SEMA3E: variants seen among roughly 807,000 people sequenced by gnomAD.
SEMA3E encodes semaphorin-3E.
SEMA3E carries 49 observed loss-of-function variants against 93.6 expected under a neutral mutation model. The ratio of observed to expected loss-of-function variants is 0.52; its 90% CI spans 0.42 to 0.66. SEMA3E has a LOEUF of 0.66. Among genes scored for constraint, SEMA3E ranks in the 30% least tolerant of loss-of-function variants. SEMA3E has a pLI of 0.00. For synonymous variants in SEMA3E, 363 were observed against 330.7 expected, an observed-to-expected ratio of 1.10 and a Z score of -1.06; for missense variants, 906 against 964.8, an observed-to-expected ratio of 0.94 and a Z score of 0.81.
At chr7:83,444,070 T>C (rs1216714020) in intron 4 of SEMA3E, among the ~76,000 whole-genome samples, 2 of 152,136 alleles carry the variant, frequency 1.3e-5, no homozygotes, top group African/African-American at 4.8e-5. Flanking sequence ...TTAAGTACAA[T>C]TAAAATCCAA....
chr7:83,367,909 T>G lies in SEMA3E; in HGVS notation c.2005A>C (p.Thr669Pro). ...HSFVHTVRKI[T>P]LEVVEEEKVE... ...TTCTCCTCTTCCACTACCTCCAAGG[T>G]GATTTTACGGACCGTATGGACAAAG... is the stretch of plus-strand genomic sequence containing the variant. Residue 669 changes from threonine (T) to proline (P), a missense_variant, in exon 17 of 17, where the codon ACC (threonine) becomes CCC (proline). Transcript: ENST00000643230. 6.2e-7 allele frequency: 1 copy of G among 1,610,802 alleles called. No homozygotes were observed. Among genetic ancestry groups the G allele is most frequent in the Non-Finnish European group, 8.5e-7 (1 of 1,177,966 alleles).
intron 1 of SEMA3E, among the ~76,000 whole-genome samples, chr7:83,590,474 G>C (rs1792735922): frequency 6.6e-6 from 1 of 152,120 alleles, no homozygotes; most frequent in South Asian, 2.1e-4. Context: ...TTTTGTCTGA[G>C]TGTTCACGCT....
intron 16 of SEMA3E, among the ~76,000 whole-genome samples, chr7:83,378,422 A>T (rs1485053439): frequency 7.2e-5 from 11 of 151,836 alleles, no homozygotes; most frequent in African/African-American, 2.7e-4. Flanking sequence ...AACATGACCA[A>T]GTCACCTTTT....
At chr7:83,638,166 T>C (rs1461202019) in intron 1 of SEMA3E, among the ~76,000 whole-genome samples, 1 of 152,206 alleles carries the variant, frequency 6.6e-6, no homozygotes, top group African/African-American at 2.4e-5. Flanking sequence ...GAATTATGTG[T>C]TTTAATATGT....
intron 1 of SEMA3E, among the ~76,000 whole-genome samples, chr7:83,593,284 CTGTGTGTGTGTGTGTG>C (rs66605514): frequency 0.21 from 24,063 of 116,538 alleles, 2,571 homozygotes; most frequent in Middle Eastern, 0.25. Context: ...CTCTCTCTCT[CTGTGTGTGTGTGTGTG>C]TGTGTGTGTG....
intron 6 of SEMA3E, among the ~76,000 whole-genome samples, chr7:83,407,504 A>AAAC (rs1490058729): frequency 3.9e-5 from 6 of 152,310 alleles, no homozygotes; most frequent in African/African-American, 1.4e-4. Context: ...GAAGAATTTC[A>AAAC]AACAACATGC....
Position 83,400,122 on chromosome 7 carries a change from C to T in SEMA3E, c.1272G>A (p.Leu424=), listed in dbSNP as rs2722974. The T allele has an allele frequency of 0.44, 705,967 of 1,613,362 alleles. 159,750 individuals carry two copies. The highest frequency in any genetic ancestry group is 0.46 in the Non-Finnish European group (541,048 of 1,179,634). Residue 424 remains leucine (L), a synonymous_variant, in exon 11 of 17, where the codon TTG becomes TTA. Transcript: ENST00000643230. ...GGTTATATTTTCCATCTGTTTTTAC[C>T]AATATTGGTTTTTTATGGGCAGGTT... ...AIKPAHKKPI[L]VKTDGKYNLK...
rs569753315 is a variant in SEMA3E at position 83,517,180 on chromosome 7, T to C, written c.116-26906A>G. Among the ~76,000 whole-genome samples, 4 of 152,272 alleles carry C rather than the reference T, an allele frequency of 2.6e-5. No homozygotes were observed. In the East Asian group the frequency reaches 7.7e-4, roughly 29 times the overall value. ...GCATTAACAGGAAAGTCTTCAGCAA[T>C]AGCCTTGATGCTCCAAATCATGTGT... is the stretch of plus-strand genomic sequence containing the variant. On this transcript the variant is annotated intron_variant, in intron 1 of 16. Transcript: ENST00000643230.
chr7:83,445,400 G>A (rs1789204909), intron 4 of SEMA3E, among the ~76,000 whole-genome samples: 1 of 152,206 alleles, frequency 6.6e-6, no homozygotes, highest in African/African-American at 2.4e-5. Flanking sequence ...TTAAAGTAAT[G>A]AAGAAACAAA....
chr7:83,584,767 T>C (rs215303), intron 1 of SEMA3E, among the ~76,000 whole-genome samples: 37,942 of 152,078 alleles, frequency 0.25, 4,782 homozygotes, highest in Middle Eastern at 0.3. Flanking sequence ...CAAGCCATTA[T>C]TTAAATGAAG....
chr7:83,378,698 T>A (rs1268765140), intron 16 of SEMA3E, among the ~76,000 whole-genome samples: 2 of 151,876 alleles, frequency 1.3e-5, no homozygotes, highest in Non-Finnish European at 1.5e-5. Context: ...TTTTTCCTGG[T>A]TTTATTACAC....
intron 2 of SEMA3E, among the ~76,000 whole-genome samples, chr7:83,482,519 T>C (rs971195202): frequency 1.7e-4 from 24 of 137,646 alleles, no homozygotes; most frequent in Admixed American, 1.0e-3. Flanking sequence ...GAGCCGAGAT[T>C]GCACCACTGC....
chr7:83,413,441 A>G (rs559025918), intron 5 of SEMA3E, among the ~76,000 whole-genome samples: 1 of 152,328 alleles, frequency 6.6e-6, no homozygotes, highest in East Asian at 1.9e-4. Context: ...GCCTCACTTT[A>G]TAACTGAATT....
chr7:83,538,103 G>A (rs776991851), intron 1 of SEMA3E, among the ~76,000 whole-genome samples: 20 of 152,084 alleles, frequency 1.3e-4, no homozygotes, highest in Admixed American at 2.0e-4. Flanking sequence ...CCATTCATCC[G>A]CTGATGGATA....
intron 6 of SEMA3E, 93 bp from the exon 7 acceptor site, chr7:83,407,332 T>A: frequency 9.1e-7 from 1 of 1,101,404 alleles, no homozygotes; most frequent in Non-Finnish European, 1.3e-6. Flanking sequence ...ATCTGAATCC[T>A]TAAGTTTAAC....
At position 83,429,793 on chromosome 7, in the gene SEMA3E, G is replaced by A. The variant is rs961381187; in HGVS notation, c.457-11310C>T. 9.9e-5 allele frequency among the ~76,000 whole-genome samples: 15 copies of A among 151,976 alleles called. 1 individual carries two copies. Among genetic ancestry groups the A allele is most frequent in the South Asian group, 8.3e-4 (4 of 4,818 alleles). ...TAATACTCATAGCTGTTTGATTATTGGGAAGGGGAATTCCATTCGGTTTTT... is the reference window on the plus strand; with the variant it reads ...TAATACTCATAGCTGTTTGATTATTAGGAAGGGGAATTCCATTCGGTTTTT... On this transcript the variant is annotated intron_variant, in intron 4 of 16. Coordinates refer to ENST00000643230, the MANE Select transcript of SEMA3E (RefSeq NM_012431.3).
At position 83,545,886 on chromosome 7, in the gene SEMA3E, T is replaced by C. The variant is rs1271633616; in HGVS notation, c.116-55612A>G. On this transcript the variant is annotated intron_variant, in intron 1 of 16. Transcript: ENST00000643230. ...ATATAACATTATATATTATATATCA[T>C]ATATGATAAAAATATTATATATTAT... 7.2e-5 allele frequency among the ~76,000 whole-genome samples: 9 copies of C among 124,916 alleles called. No homozygotes were observed. In the Admixed American group the frequency reaches 7.2e-4, roughly 10 times the overall value. The allele number at this position is 124,916 out of a possible 152,430, so 81.9% of individuals were successfully genotyped here.
chr7:83,590,171 T>G (rs1487380924), intron 1 of SEMA3E, among the ~76,000 whole-genome samples: 1 of 152,112 alleles, frequency 6.6e-6, no homozygotes, highest in Admixed American at 6.6e-5. Context: ...CCTAGAAACA[T>G]GAATTAAAAA....
intron 1 of SEMA3E, among the ~76,000 whole-genome samples, chr7:83,507,349 A>G (rs1057241804): frequency 2.0e-5 from 3 of 151,986 alleles, no homozygotes; most frequent in Non-Finnish European, 1.5e-5. Flanking sequence ...GCAGGTACCC[A>G]TTAAAGTGAT....
Sources: gnomAD v4.1 joint callset for allele counts (sites outside exome capture counted in the v4.1 genomes callset) on GRCh38, gnomAD v4.1.1 for gene constraint, MANE v1.5 for transcripts, NCBI Gene and HGNC (gene_info 2026-07-23, HGNC 2026-07-21) for gene names.